ZNF18: variants seen among roughly 807,000 people sequenced by gnomAD.
ZNF18 encodes the protein heart development-specific gene 1 protein.
A neutral mutation model predicts 58.1 loss-of-function variants in ZNF18; 42 were observed. The observed-to-expected ratio is 0.72, with a 90% CI of 0.56 to 0.93. The LOEUF (loss-of-function observed/expected upper bound fraction) is 0.93. ZNF18 is among the 40% of genes least tolerant of loss of function. The probability of loss-of-function intolerance (pLI) is 0.00; values close to 1 mark genes in which losing one functional copy is unlikely to be tolerated. For missense variants in ZNF18, 540 were observed against 644.2 expected (o/e 0.84, Z 1.75); for synonymous variants, 231 against 239.8 (o/e 0.96, Z 0.34).
At chr17:12,013,117 A>G in the ZNF18 span, among the ~76,000 whole-genome samples, 67 of 151,962 alleles carry the variant, frequency 4.4e-4, no homozygotes, top group Non-Finnish European at 8.1e-4. Flanking sequence ...ATGCCCGGCT[A>G]ATTTTTGTGT....
chr17:11,981,271 C>T (rs897378592), intron 6 of ZNF18, among the ~76,000 whole-genome samples: 1 of 151,984 alleles, frequency 6.6e-6, no homozygotes, highest in Non-Finnish European at 1.5e-5. Flanking sequence ...ATCTGTCCTA[C>T]ACGTTGCTGC....
chr17:12,001,895 A>T (rs575702114), upstream of ZNF18, among the ~76,000 whole-genome samples: 154 of 152,250 alleles, frequency 1.0e-3, no homozygotes, highest in African/African-American at 3.7e-3. Context: ...ATGAAAGCAC[A>T]TGCACTCCAA....
chr17:11,991,187 A>C (rs1294668588), intron 2 of ZNF18, 24 bp from the exon 3 acceptor site: 1 of 1,590,938 alleles, frequency 6.3e-7, no homozygotes, highest in East Asian at 2.2e-5. Context: ...ATTAATTAGT[A>C]ATTACTGAAG....
At chr17:12,010,564 C>T in the ZNF18 span, among the ~76,000 whole-genome samples, 2 of 151,996 alleles carry the variant, frequency 1.3e-5, no homozygotes, top group East Asian at 1.9e-4. Context: ...TACAGGCGCC[C>T]GTCACCACGC....
chr17:11,983,634 A>T (rs1967528621), intron 5 of ZNF18, among the ~76,000 whole-genome samples: 1 of 152,190 alleles, frequency 6.6e-6, no homozygotes, highest in Non-Finnish European at 1.5e-5. Context: ...GCAGGTGGAC[A>T]GAAAGGTCTG....
At chr17:11,985,200 C>A (rs938546007) in intron 4 of ZNF18, among the ~76,000 whole-genome samples, 1 of 152,192 alleles carries the variant, frequency 6.6e-6, no homozygotes, top group African/African-American at 2.4e-5. Flanking sequence ...TCCTATGAAA[C>A]GACAGACTGG....
chr17:11,981,970 A>T (rs1204905661), intron 6 of ZNF18, among the ~76,000 whole-genome samples: 1 of 152,058 alleles, frequency 6.6e-6, no homozygotes, highest in Non-Finnish European at 1.5e-5. Flanking sequence ...TTAGGTCTAG[A>T]TGAGGTCCTA....
chr17:12,019,825 C>T, the ZNF18 span, among the ~76,000 whole-genome samples: 1 of 152,154 alleles, frequency 6.6e-6, no homozygotes, highest in Admixed American at 6.5e-5. Context: ...GTAGATCACA[C>T]AATGCTTCTA....
At chr17:12,021,077 C>T in the ZNF18 span, 4 of 889,570 alleles carry the variant, frequency 4.5e-6, no homozygotes, top group Non-Finnish European at 5.8e-6. Flanking sequence ...CCCCAGCGGA[C>T]GCCCCCGGAC....
At position 11,992,763 on chromosome 17, in the gene ZNF18, A is replaced by C. The variant is rs1968212719; in HGVS notation, c.67T>G (p.Phe23Val). The change falls in exon 2 of 7, where the codon TTC becomes GTC. Residue 23 changes from phenylalanine (F) to valine (V), a missense_variant. Physicochemically the swap from Phe to Val is conservative, Grantham distance 50. Coordinates refer to ENST00000580306, the MANE Select transcript of ZNF18 (RefSeq NM_001303281.2). Reference protein sequence around the residue: ...PSLAKAEDSQFSESDAALQEE... With the variant: ...PSLAKAEDSQVSESDAALQEE... ...TGAAGGGCAGCATCTGATTCTGAGA[A>C]CTGGGAGTCCTCGGCCTTCGCCAGC... is the stretch of plus-strand genomic sequence containing the variant. 8 of 1,614,216 alleles carry C rather than the reference A, an allele frequency of 5.0e-6. No individual in the cohort carries two copies. The East Asian group carries it at 1.8e-4, about 36-fold the overall frequency.
the ZNF18 span, among the ~76,000 whole-genome samples, chr17:12,007,350 C>G: frequency 6.6e-6 from 1 of 152,224 alleles, no homozygotes; most frequent in African/African-American, 2.4e-5. Context: ...GAGTTCTACA[C>G]AGGTGACAAT....
At chr17:12,000,595 A>T (rs917925526), upstream of ZNF18, among the ~76,000 whole-genome samples, 1 of 152,150 alleles carries the variant, frequency 6.6e-6, no homozygotes, top group African/African-American at 2.4e-5. Flanking sequence ...GTAATATACA[A>T]ACTGGCACCT....
Position 11,991,161 on chromosome 17 carries a change from G to A in ZNF18, c.390C>T (p.Ile130=). The stretch of plus-strand genomic sequence containing the variant: ...TGTCCTGTCCTAGAACCTGGATACT[G>A]ATCTAGAGACCATATATTAATTAGT... ...KGDPQRLWQW[I]SIQVLGQDIL... Residue 130 remains isoleucine (I), a splice_region_variant and synonymous_variant, in exon 3 of 7, where the codon ATC becomes ATT. Transcript: ENST00000580306. 1 of 1,612,732 alleles carries A rather than the reference G, an allele frequency of 6.2e-7. No homozygotes were observed. Among genetic ancestry groups the A allele is most frequent in the Non-Finnish European group, 8.5e-7 (1 of 1,179,210 alleles).
chr17:11,987,394 T>C (rs892557242), intron 4 of ZNF18, among the ~76,000 whole-genome samples: 1 of 152,210 alleles, frequency 6.6e-6, no homozygotes, highest in African/African-American at 2.4e-5. Context: ...GAGGGAGTGA[T>C]TAATTTAAAA....
chr17:11,992,366 G>C, intron 2 of ZNF18, 77 bp downstream of exon 2: 2 of 1,524,800 alleles, frequency 1.3e-6, no homozygotes, highest in South Asian at 2.6e-5. Context: ...AGTGGTATCA[G>C]AAAAAAGACA....
intron 6 of ZNF18, among the ~76,000 whole-genome samples, chr17:11,980,778 A>G (rs748566320): frequency 3.3e-5 from 5 of 152,134 alleles, no homozygotes; most frequent in Non-Finnish European, 2.9e-5. Context: ...TTTCTGTTCT[A>G]TTGATCTGTG....
the ZNF18 span, among the ~76,000 whole-genome samples, chr17:12,008,402 G>A: frequency 8.5e-5 from 13 of 152,176 alleles, no homozygotes; most frequent in South Asian, 8.3e-4. Flanking sequence ...GTCTAGCTAC[G>A]TTGCCCAGGC....
At chr17:11,990,837 G>T in intron 3 of ZNF18, 137 bp downstream of exon 3, 1 of 996,302 alleles carries the variant, frequency 1.0e-6, no homozygotes. Context: ...AACAAGAGCG[G>T]TTTATTTAGG....
the ZNF18 span, chr17:12,020,794 A>T: frequency 1.9e-6 from 1 of 522,792 alleles, no homozygotes; most frequent in African/African-American, 2.0e-5. Context: ...GGCGGGGCCA[A>T]GGCGGGGGTA....
Sources: allele counts gnomAD v4.1 joint callset (sites outside exome capture counted in the v4.1 genomes callset), GRCh38; gene constraint gnomAD v4.1.1; transcripts MANE v1.5; gene names NCBI Gene and HGNC (gene_info 2026-07-23, HGNC 2026-07-21).